SCD5: variants seen among roughly 807,000 people sequenced by gnomAD.
SCD5 encodes the protein stearoyl-CoA desaturase 5.
A neutral mutation model predicts 30.4 loss-of-function variants in SCD5; 20 were observed. That is an observed-to-expected ratio of 0.66 (90% CI 0.46 to 0.96). SCD5 has a LOEUF of 0.96. Among genes scored for constraint, SCD5 ranks in the 40% least tolerant of loss-of-function variants. The pLI is 0.00. For synonymous variants in SCD5, 173 were observed against 176.4 expected (o/e 0.98, Z 0.16); for missense variants, 381 against 443.3 (o/e 0.86, Z 1.26).
At chr4:82,743,068 C>T (rs978207708) in intron 1 of SCD5, among the ~76,000 whole-genome samples, 6 of 152,146 alleles carry the variant, frequency 3.9e-5, no homozygotes, top group Non-Finnish European at 7.4e-5. Flanking sequence ...CTGAGACTCC[C>T]AGTTGGATCC....
At chr4:82,634,043 A>G (rs1306408910) in intron 4 of SCD5, among the ~76,000 whole-genome samples, 1 of 152,212 alleles carries the variant, frequency 6.6e-6, no homozygotes, top group Non-Finnish European at 1.5e-5. Context: ...CACATAAAAA[A>G]TGTTTTCAAG....
chr4:82,653,676 T>TGATAGATGATAGATAGATAGATA (rs1727802281), intron 3 of SCD5, among the ~76,000 whole-genome samples: 5 of 136,556 alleles, frequency 3.7e-5, no homozygotes, highest in African/African-American at 1.1e-4. Context: ...TGAAAGTCAA[T>TGATAGATGATAGATAGATAGATA]GATAGATAGA....
chr4:82,766,664 G>T (rs1383982533), intron 1 of SCD5, among the ~76,000 whole-genome samples: 1 of 152,140 alleles, frequency 6.6e-6, no homozygotes, highest in Non-Finnish European at 1.5e-5. Flanking sequence ...ATCAGACATT[G>T]TGAATTTTGC....
In SCD5 at chr4:82,637,893, G is replaced by A. The variant is rs570446853; in HGVS notation, c.570-1070C>T. 1.9e-4 allele frequency among the ~76,000 whole-genome samples: 29 copies of A among 151,990 alleles called. 1 individual carries two copies. In the South Asian group the frequency reaches 6.0e-3, roughly 32 times the overall value. Reference sequence around the variant, plus strand: ...TCTTTTTAAAAATTTTTAAGTCCCAGGATTCATGTGCAGGACGTGCAGGCT... The same window carrying A: ...TCTTTTTAAAAATTTTTAAGTCCCAAGATTCATGTGCAGGACGTGCAGGCT... On this transcript the variant is annotated intron_variant, in intron 3 of 4. Coordinates refer to ENST00000319540, the MANE Select transcript of SCD5 (RefSeq NM_001037582.3).
intron 1 of SCD5, among the ~76,000 whole-genome samples, chr4:82,734,938 G>T (rs1720717281): frequency 6.6e-6 from 1 of 150,930 alleles, no homozygotes; most frequent in Non-Finnish European, 1.5e-5. Flanking sequence ...CTAATTTTTT[G>T]TACTTTTTTT....
In SCD5 at chr4:82,712,290, A is replaced by T. The variant is rs1160553286; in HGVS notation, c.233-6877T>A. 5.9e-4 allele frequency among the ~76,000 whole-genome samples: 21 copies of T among 35,358 alleles called. 5 individuals carry two copies. The highest frequency in any genetic ancestry group is 2.6e-3 in the African/African-American group (18 of 6,944). The allele number at this position is 35,358 out of a possible 152,430, so 23.2% of individuals were successfully genotyped here. A position where few individuals can be genotyped will look rare whatever the true frequency, so the allele number is the denominator to read the frequency against. ...TATATATATATATATATATATATAT[A>T]TATATATTTTATTTTTATTTTATTT... On this transcript the variant is annotated intron_variant, in intron 1 of 4. Coordinates refer to ENST00000319540, the MANE Select transcript of SCD5 (RefSeq NM_001037582.3).
At position 82,673,384 on chromosome 4, in the gene SCD5, T is replaced by C. The variant is rs779800224; in HGVS notation, c.569+7323A>G. 1.1e-3 allele frequency among the ~76,000 whole-genome samples: 170 copies of C among 152,094 alleles called. 1 individual carries two copies. Among genetic ancestry groups the C allele is most frequent in the Non-Finnish European group, 3.7e-4 (25 of 67,984 alleles). On this transcript the variant is annotated intron_variant, in intron 3 of 4. Coordinates refer to ENST00000319540, the MANE Select transcript of SCD5 (RefSeq NM_001037582.3). Reference sequence around the variant, plus strand: ...TCCCACATACCAGCACAAGTGGCATTTGAAATTAAAAACACAATACCATTT... The same window carrying C: ...TCCCACATACCAGCACAAGTGGCATCTGAAATTAAAAACACAATACCATTT...
At chr4:82,696,055 G>A (rs1365890452) in intron 2 of SCD5, among the ~76,000 whole-genome samples, 1 of 152,300 alleles carries the variant, frequency 6.6e-6, no homozygotes, top group African/African-American at 2.4e-5. Context: ...TAAGCACATA[G>A]TGGCTTATGC....
chr4:82,688,382 A>G (rs541648846), intron 2 of SCD5, among the ~76,000 whole-genome samples: 1 of 152,262 alleles, frequency 6.6e-6, no homozygotes, highest in East Asian at 1.9e-4. Context: ...AGGGTCAAAT[A>G]GAAAAAGATA....
intron 3 of SCD5, among the ~76,000 whole-genome samples, chr4:82,680,432 T>G (rs1367441943): frequency 6.6e-6 from 1 of 152,158 alleles, no homozygotes; most frequent in Non-Finnish European, 1.5e-5. Context: ...ACAGATTCCA[T>G]GAAATCAGCC....
intron 3 of SCD5, among the ~76,000 whole-genome samples, chr4:82,643,415 A>G (rs1457884986): frequency 6.6e-6 from 1 of 152,240 alleles, no homozygotes; most frequent in South Asian, 2.1e-4. Context: ...ATTTTCATAT[A>G]TGCTGCAACA....
At chr4:82,731,456 A>G (rs904530505) in intron 1 of SCD5, among the ~76,000 whole-genome samples, 1 of 152,206 alleles carries the variant, frequency 6.6e-6, no homozygotes, top group African/African-American at 2.4e-5. Context: ...ACTTGCTGTG[A>G]GCCACTCCAG....
At chr4:82,645,937 A>C (rs921744382) in intron 3 of SCD5, among the ~76,000 whole-genome samples, 2 of 152,176 alleles carry the variant, frequency 1.3e-5, no homozygotes, top group Admixed American at 6.5e-5. Flanking sequence ...TCTGTCTGCA[A>C]GCGTTTTCCT....
At chr4:82,787,858 C>A (rs1024652546) in intron 1 of SCD5, among the ~76,000 whole-genome samples, 3 of 152,122 alleles carry the variant, frequency 2.0e-5, no homozygotes. Context: ...AAAAGACCCT[C>A]ATTCTCTACA....
intron 1 of SCD5, among the ~76,000 whole-genome samples, chr4:82,775,209 C>T (rs1380598720): frequency 6.6e-6 from 1 of 152,188 alleles, no homozygotes; most frequent in Admixed American, 6.5e-5. Flanking sequence ...CCCCCAGATT[C>T]ACTGGACCAC....
At chr4:82,640,968 C>T (rs920149011) in intron 3 of SCD5, among the ~76,000 whole-genome samples, 1 of 152,232 alleles carries the variant, frequency 6.6e-6, no homozygotes, top group Non-Finnish European at 1.5e-5. Context: ...CATTCAACTA[C>T]ACAACGCCTT....
chr4:82,757,428 C>A (rs1391823522), intron 1 of SCD5, among the ~76,000 whole-genome samples: 1 of 152,164 alleles, frequency 6.6e-6, no homozygotes, highest in Non-Finnish European at 1.5e-5. Flanking sequence ...TCTCTTTAGA[C>A]CCTCAGTACC....
chr4:82,714,264 C>T (rs1333276317), intron 1 of SCD5, among the ~76,000 whole-genome samples: 1 of 152,190 alleles, frequency 6.6e-6, no homozygotes, highest in Non-Finnish European at 1.5e-5. Context: ...CTGAATATTG[C>T]CTCTAATCAC....
chr4:82,657,451 G>A (rs1560525846), intron 3 of SCD5, among the ~76,000 whole-genome samples: 1 of 152,156 alleles, frequency 6.6e-6, no homozygotes, highest in South Asian at 2.1e-4. Flanking sequence ...CTGTTTCATT[G>A]GTCTGTGTAT....
Sources: allele counts gnomAD v4.1 joint callset (sites outside exome capture counted in the v4.1 genomes callset), GRCh38; gene constraint gnomAD v4.1.1; transcripts MANE v1.5; gene names NCBI Gene and HGNC (gene_info 2026-07-23, HGNC 2026-07-21).